The following DAB1 variants were observed in gnomAD, a reference collection of about 807,000 sequenced individuals.
DAB1 encodes the protein DAB adaptor protein 1.
A neutral mutation model predicts 64.6 loss-of-function variants in DAB1; 15 were observed. The ratio of observed to expected loss-of-function variants is 0.23; its 90% CI spans 0.16 to 0.36. The LOEUF (loss-of-function observed/expected upper bound fraction) is 0.36, where lower values mean the gene tolerates loss of function less well. Ranked by LOEUF, DAB1 falls within the 10% of genes least tolerant of loss-of-function variation. The pLI is 1.00. For synonymous variants in DAB1, 235 were observed against 251.9 expected (o/e 0.93, Z 0.64); for missense variants, 596 against 706.7 (o/e 0.84, Z 1.78).
intron 3 of DAB1, among the ~76,000 whole-genome samples, chr1:58,479,867 A>G (rs1338962949): frequency 6.6e-6 from 1 of 152,218 alleles, no homozygotes; most frequent in African/African-American, 2.4e-5. Flanking sequence ...TGAGAATAAT[A>G]AAACCTAGTA....
intron 5 of DAB1, among the ~76,000 whole-genome samples, chr1:57,891,847 G>A (rs1415406779): frequency 6.6e-6 from 1 of 152,134 alleles, no homozygotes; most frequent in African/African-American, 2.4e-5. Flanking sequence ...GCCTGTCAGG[G>A]GGTGGGGTCT....
intron 6 of DAB1, among the ~76,000 whole-genome samples, chr1:57,743,860 T>A (rs879734999): frequency 4.6e-5 from 7 of 152,264 alleles, no homozygotes; most frequent in Non-Finnish European, 1.0e-4. Context: ...GCATTGTTTC[T>A]ATAGATATTA....
chr1:57,485,237 G>T (rs1489382146), intron 7 of DAB1, among the ~76,000 whole-genome samples: 2 of 152,100 alleles, frequency 1.3e-5, no homozygotes, highest in Non-Finnish European at 2.9e-5. Context: ...ATATACCCTG[G>T]GTCCCCAAGT....
At chr1:57,949,566 AAT>A (rs766348549) in intron 5 of DAB1, among the ~76,000 whole-genome samples, 20,710 of 127,030 alleles carry the variant, frequency 0.16, 1,983 homozygotes, top group African/African-American at 0.29. Context: ...ACACACACAC[AAT>A]ATATATATAT....
intron 6 of DAB1, among the ~76,000 whole-genome samples, chr1:57,670,364 C>G (rs1346276251): frequency 6.6e-6 from 1 of 152,088 alleles, no homozygotes; most frequent in African/African-American, 2.4e-5. Flanking sequence ...CTGCAAACTC[C>G]TATGGAGCAG....
intron 7 of DAB1, among the ~76,000 whole-genome samples, chr1:57,547,511 T>G (rs1382467299): frequency 2.0e-5 from 3 of 152,220 alleles, no homozygotes; most frequent in Non-Finnish European, 4.4e-5. Context: ...TAGTAGGTAC[T>G]GAGAACTTTA....
chr1:57,722,204 C>G (rs1278249793), intron 6 of DAB1, among the ~76,000 whole-genome samples: 2 of 152,188 alleles, frequency 1.3e-5, no homozygotes, highest in Admixed American at 6.5e-5. Context: ...GTAAAGCCCA[C>G]AGAGGTAAGT....
intron 6 of DAB1, among the ~76,000 whole-genome samples, chr1:57,798,791 A>G (rs1650990292): frequency 6.6e-6 from 1 of 152,136 alleles, no homozygotes; most frequent in Non-Finnish European, 1.5e-5. Context: ...GTCTGTGTGG[A>G]TTTTGCAATT....
intron 6 of DAB1, among the ~76,000 whole-genome samples, chr1:57,666,091 G>C (rs542036320): frequency 6.6e-6 from 1 of 152,114 alleles, no homozygotes; most frequent in Admixed American, 6.6e-5. Flanking sequence ...AAAGTTGCTA[G>C]AGGAAAAACA....
chr1:58,356,954 G>T (rs1319533130), intron 3 of DAB1, among the ~76,000 whole-genome samples: 2 of 150,040 alleles, frequency 1.3e-5, no homozygotes, highest in Non-Finnish European at 3.0e-5. Flanking sequence ...TGTGCCCAGG[G>T]AGTTGAGGCT....
chr1:57,134,565 G>C (rs1480201849), intron 4 of DAB1, among the ~76,000 whole-genome samples: 1 of 151,950 alleles, frequency 6.6e-6, no homozygotes, highest in Non-Finnish European at 1.5e-5. Context: ...AATAACTATT[G>C]GGTACTAGGC....
chr1:57,644,395 T>A (rs1646167675), intron 7 of DAB1, among the ~76,000 whole-genome samples: 1 of 151,998 alleles, frequency 6.6e-6, no homozygotes, highest in Admixed American at 6.6e-5. Context: ...GAAAAGGGAG[T>A]CATAGAGGGA....
rs570540511 is a variant in DAB1 at position 57,199,162 on chromosome 1, G to A, written c.68-53733C>T. The stretch of plus-strand genomic sequence containing the variant: ...CTCCACACACTGAAGGCTCTGGTGA[G>A]TGTCTTTGTTACCTTGTTAAGGAGT... On this transcript the variant is annotated intron_variant, in intron 2 of 14. Coordinates refer to ENST00000371236, the MANE Select transcript of DAB1 (RefSeq NM_001365792.1). Among the ~76,000 whole-genome samples, 4 of 152,324 alleles carry A rather than the reference G, an allele frequency of 2.6e-5. 1 individual carries two copies. The South Asian group carries it at 6.2e-4, about 24-fold the overall frequency.
At chr1:57,980,855 T>C (rs1646047541) in intron 5 of DAB1, among the ~76,000 whole-genome samples, 1 of 151,782 alleles carries the variant, frequency 6.6e-6, no homozygotes, top group Admixed American at 6.6e-5. Flanking sequence ...TCTGTTTTAA[T>C]AAACTAGTAA....
At chr1:57,696,182 G>A (rs2101723490) in intron 6 of DAB1, among the ~76,000 whole-genome samples, 1 of 152,194 alleles carries the variant, frequency 6.6e-6, no homozygotes, top group East Asian at 1.9e-4. Context: ...AATTTCTTGA[G>A]GTCAGAGACC....
chr1:57,077,414 A>C (rs1652088933), intron 4 of DAB1, among the ~76,000 whole-genome samples: 1 of 152,252 alleles, frequency 6.6e-6, no homozygotes, highest in Admixed American at 6.5e-5. Context: ...AAAGAAAGGA[A>C]GTACAGGATG....
At chr1:58,445,575 G>A (rs1311761121) in intron 3 of DAB1, among the ~76,000 whole-genome samples, 3 of 152,180 alleles carry the variant, frequency 2.0e-5, no homozygotes, top group East Asian at 1.9e-4. Flanking sequence ...GTGAACTTAC[G>A]CAGGTGCTTC....
chr1:58,267,212 T>C (rs1661190734), intron 4 of DAB1, among the ~76,000 whole-genome samples: 1 of 151,902 alleles, frequency 6.6e-6, no homozygotes, highest in Admixed American at 6.6e-5. Context: ...AGAGCTAGAC[T>C]CCATCTCAAA....
intron 3 of DAB1, among the ~76,000 whole-genome samples, chr1:58,360,488 C>T (rs1483310578): frequency 2.0e-5 from 3 of 152,104 alleles, no homozygotes; most frequent in African/African-American, 4.8e-5. Flanking sequence ...AGACTAAGTC[C>T]GTTCTTGCCG....
Sources: allele counts gnomAD v4.1 joint callset (sites outside exome capture counted in the v4.1 genomes callset), GRCh38; gene constraint gnomAD v4.1.1; transcripts MANE v1.5; gene names NCBI Gene and HGNC (gene_info 2026-07-23, HGNC 2026-07-21).